DMD: variants seen among roughly 807,000 people sequenced by gnomAD.
DMD encodes the protein dystrophin, also known as mutant dystrophin.
DMD carries 63 observed loss-of-function variants against 330.1 expected under a neutral mutation model. The observed-to-expected ratio is 0.19, with a 90% CI of 0.16 to 0.24. DMD has a LOEUF of 0.24. Ranked by LOEUF, DMD falls within the 10% of genes least tolerant of loss-of-function variation. DMD has a pLI of 1.00. For missense variants in DMD, 3,344 were observed against 2,684.1 expected (o/e 1.25, Z -5.43); for synonymous variants, 1,223 against 959.8 (o/e 1.27, Z -5.07).
chrX:32,810,622 A>G (rs1422753329), intron 6 of DMD, among the ~76,000 whole-genome samples: 1 of 112,201 alleles, frequency 8.9e-6, no homozygotes, highest in Admixed American at 9.5e-5. Flanking sequence ...GCTTCTGACT[A>G]TCCTCACTGC....
chrX:32,006,165 A>C (rs985512135), intron 44 of DMD, among the ~76,000 whole-genome samples: 1 of 111,683 alleles, frequency 9.0e-6, no homozygotes, highest in Admixed American at 9.5e-5. Context: ...AATAGTATCC[A>C]TTCTTCCAAC....
chrX:31,225,387 G>T (rs780266170), intron 63 of DMD, among the ~76,000 whole-genome samples: 10 of 112,389 alleles, frequency 8.9e-5, no homozygotes, highest in Non-Finnish European at 1.7e-4. Context: ...AGTTAGACGG[G>T]CCTGTGTAGT....
intron 42 of DMD, among the ~76,000 whole-genome samples, chrX:32,294,455 T>C (rs2097487302): frequency 8.9e-6 from 1 of 111,997 alleles, no homozygotes; most frequent in Non-Finnish European, 1.9e-5. Flanking sequence ...GTATACTCTC[T>C]GAGGATTTGA....
At chrX:32,419,998 G>A (rs899654902) in intron 29 of DMD, among the ~76,000 whole-genome samples, 3 of 111,568 alleles carry the variant, frequency 2.7e-5, no homozygotes, top group African/African-American at 9.8e-5. Context: ...TGCCCTGACA[G>A]GAGCAAACTG....
At chrX:32,111,526 C>T (rs1420115244) in intron 44 of DMD, among the ~76,000 whole-genome samples, 1 of 112,058 alleles carries the variant, frequency 8.9e-6, no homozygotes, top group Non-Finnish European at 1.9e-5. Flanking sequence ...GCTGCATAGA[C>T]TAACTACAGC....
At chrX:31,974,509 T>A (rs1425119138) in intron 44 of DMD, among the ~76,000 whole-genome samples, 1 of 105,683 alleles carries the variant, frequency 9.5e-6, no homozygotes, top group East Asian at 3.0e-4. Context: ...TCCTGTTATC[T>A]TTTTTTTTTT....
chrX:31,406,041 A>G (rs2061391155), intron 60 of DMD, among the ~76,000 whole-genome samples: 1 of 112,426 alleles, frequency 8.9e-6, no homozygotes, highest in Admixed American at 9.4e-5. Context: ...AAGATGGGCA[A>G]TATAGTCAAA....
At chrX:32,740,426 G>C (rs1182026902) in intron 7 of DMD, among the ~76,000 whole-genome samples, 2 of 109,970 alleles carry the variant, frequency 1.8e-5, no homozygotes, top group Non-Finnish European at 3.8e-5. Context: ...GGAAAACATG[G>C]GAATCACTAT....
chrX:32,022,737 A>T (rs1392746186), intron 44 of DMD, among the ~76,000 whole-genome samples: 1 of 112,127 alleles, frequency 8.9e-6, no homozygotes, highest in African/African-American at 3.2e-5. Context: ...GATACACAGA[A>T]TGGGGAATGC....
chrX:32,743,293 G>A (rs1317514324), intron 7 of DMD, among the ~76,000 whole-genome samples: 2 of 111,229 alleles, frequency 1.8e-5, no homozygotes, highest in African/African-American at 6.5e-5. Flanking sequence ...AGCGCCAGTT[G>A]TCCACCACAG....
intron 4 of DMD, 77 bp downstream of exon 4, chrX:32,844,706 T>A (rs1344369754): frequency 1.2e-6 from 1 of 868,277 alleles, no homozygotes; most frequent in Non-Finnish European, 1.7e-6. Context: ...TTTCTCTGCA[T>A]TTGGGGCCAA....
intron 49 of DMD, among the ~76,000 whole-genome samples, chrX:31,831,964 C>A (rs2149474572): frequency 8.9e-6 from 1 of 112,416 alleles, no homozygotes; most frequent in Admixed American, 9.4e-5. Flanking sequence ...TATTAAATGC[C>A]TCTAATATTG....
intron 60 of DMD, among the ~76,000 whole-genome samples, chrX:31,379,060 C>G (rs73212340): frequency 4.6e-5 from 5 of 109,360 alleles, no homozygotes; most frequent in African/African-American, 6.7e-5. Flanking sequence ...TCTCTGTTCC[C>G]AATGCAACTC....
intron 44 of DMD, among the ~76,000 whole-genome samples, chrX:31,968,747 A>AT (rs1251187489): frequency 6.3e-5 from 7 of 111,760 alleles, no homozygotes; most frequent in Non-Finnish European, 1.1e-4. Context: ...TCCAGTTTTT[A>AT]TTTTTGTAAG....
intron 9 of DMD, among the ~76,000 whole-genome samples, chrX:32,654,844 A>G (rs1248128985): frequency 1.8e-5 from 2 of 111,330 alleles, no homozygotes; most frequent in African/African-American, 6.5e-5. Flanking sequence ...TTATTGGTCT[A>G]TTCAGGGATT....
At chrX:31,652,159 C>A (rs939101822) in intron 54 of DMD, among the ~76,000 whole-genome samples, 1 of 111,779 alleles carries the variant, frequency 8.9e-6, no homozygotes, top group Non-Finnish European at 1.9e-5. Context: ...ACTTTTTCCC[C>A]CCCAATTATA....
chrX:33,219,080 T>C (rs2052112447), intron 1 of DMD, among the ~76,000 whole-genome samples: 1 of 112,039 alleles, frequency 8.9e-6, no homozygotes, highest in South Asian at 3.7e-4. Context: ...ATCTTTGTCA[T>C]GTCAGTATAA....
intron 1 of DMD, among the ~76,000 whole-genome samples, chrX:33,249,525 A>G (rs2052734010): frequency 1.8e-5 from 2 of 111,781 alleles, no homozygotes; most frequent in Middle Eastern, 8.4e-3. Context: ...TTCATAAGAC[A>G]TACTTACATA....
At chrX:32,232,610 A>G (rs1569552278) in intron 43 of DMD, among the ~76,000 whole-genome samples, 1 of 112,071 alleles carries the variant, frequency 8.9e-6, no homozygotes, top group Non-Finnish European at 1.9e-5. Flanking sequence ...ATATCATCAC[A>G]AAAGTCGGGC....
Sources: allele counts gnomAD v4.1 joint callset (sites outside exome capture counted in the v4.1 genomes callset), GRCh38; gene constraint gnomAD v4.1.1; transcripts MANE v1.5; gene names NCBI Gene and HGNC (gene_info 2026-07-23, HGNC 2026-07-21).